Variants in LOC128125817 observed in about 807,000 individuals in gnomAD.
the LOC128125817 span, among the ~76,000 whole-genome samples, chr1:41,619,323 CT>C: frequency 6.6e-6 from 1 of 152,238 alleles, no homozygotes; most frequent in Non-Finnish European, 1.5e-5. Flanking sequence ...CCCGTGCCCC[CT>C]ATTCCTTTCC....
the LOC128125817 span, among the ~76,000 whole-genome samples, chr1:41,601,045 G>A: frequency 2.6e-5 from 4 of 152,098 alleles, no homozygotes; most frequent in African/African-American, 4.8e-5. Flanking sequence ...CTTGGCACCC[G>A]TGTTGAAGAT....
the LOC128125817 span, among the ~76,000 whole-genome samples, chr1:41,627,362 A>AT: frequency 2.6e-5 from 4 of 152,210 alleles, no homozygotes; most frequent in African/African-American, 9.6e-5. Flanking sequence ...AACCACTAAG[A>AT]GTCGGGGCTG....
the LOC128125817 span, among the ~76,000 whole-genome samples, chr1:41,601,369 C>T: frequency 6.6e-6 from 1 of 152,078 alleles, no homozygotes; most frequent in Non-Finnish European, 1.5e-5. Context: ...AATATTAATT[C>T]TTCCAATCCA....
the LOC128125817 span, among the ~76,000 whole-genome samples, chr1:41,589,594 G>T: frequency 6.6e-6 from 1 of 152,242 alleles, no homozygotes. Context: ...CCAGAGGGCA[G>T]GTGGGAGATG....
At chr1:41,607,144 G>A in the LOC128125817 span, among the ~76,000 whole-genome samples, 1 of 152,104 alleles carries the variant, frequency 6.6e-6, no homozygotes, top group African/African-American at 2.4e-5. Flanking sequence ...TCAACTGAGA[G>A]GAAATTTCTT....
chr1:41,617,356 A>G, the LOC128125817 span, among the ~76,000 whole-genome samples: 1 of 152,158 alleles, frequency 6.6e-6, no homozygotes, highest in Non-Finnish European at 1.5e-5. Context: ...TCGTCCTAAT[A>G]ATGAGCCATG....
chr1:41,627,068 C>T, the LOC128125817 span, among the ~76,000 whole-genome samples: 13 of 152,314 alleles, frequency 8.5e-5, no homozygotes, highest in African/African-American at 2.9e-4. Context: ...CATCGGTCCC[C>T]GTGCTTCAGC....
the LOC128125817 span, among the ~76,000 whole-genome samples, chr1:41,592,351 A>G: frequency 6.6e-6 from 1 of 152,206 alleles, no homozygotes; most frequent in Non-Finnish European, 1.5e-5. Flanking sequence ...AATGATCTCA[A>G]GATCACTTCC....
At chr1:41,617,079 CT>C in the LOC128125817 span, among the ~76,000 whole-genome samples, 1 of 152,316 alleles carries the variant, frequency 6.6e-6, no homozygotes, top group African/African-American at 2.4e-5. Context: ...ACCGTACTGC[CT>C]TTCCAAACAG....
the LOC128125817 span, among the ~76,000 whole-genome samples, chr1:41,609,616 T>G: frequency 5.3e-5 from 8 of 152,376 alleles, no homozygotes; most frequent in East Asian, 1.3e-3. Context: ...ACACCCCTTT[T>G]TAAGACCCTT....
the LOC128125817 span, among the ~76,000 whole-genome samples, chr1:41,622,473 T>TC: frequency 6.6e-6 from 1 of 152,128 alleles, no homozygotes; most frequent in East Asian, 1.9e-4. Context: ...ATCCTGTAGG[T>TC]CAAGGGTTGG....
the LOC128125817 span, among the ~76,000 whole-genome samples, chr1:41,590,892 A>C: frequency 6.6e-6 from 1 of 152,208 alleles, no homozygotes; most frequent in South Asian, 2.1e-4. Flanking sequence ...GGCAGCCTGC[A>C]GCTGAACCCT....
At chr1:41,595,861 G>C in the LOC128125817 span, among the ~76,000 whole-genome samples, 1 of 152,092 alleles carries the variant, frequency 6.6e-6, no homozygotes, top group Non-Finnish European at 1.5e-5. Context: ...TTCAGCTTTG[G>C]GACTCAGACT....
the LOC128125817 span, among the ~76,000 whole-genome samples, chr1:41,603,534 A>G: frequency 6.6e-6 from 1 of 151,036 alleles, no homozygotes; most frequent in Non-Finnish European, 1.5e-5. Context: ...TAATTTTTGT[A>G]TTTTTAGTGG....
At chr1:41,614,769 T>C in the LOC128125817 span, among the ~76,000 whole-genome samples, 3 of 152,168 alleles carry the variant, frequency 2.0e-5, no homozygotes, top group African/African-American at 4.8e-5. Context: ...ATGGATTTAG[T>C]ATACAGCAGT....
chr1:41,591,226 C>T, the LOC128125817 span, among the ~76,000 whole-genome samples: 4 of 152,076 alleles, frequency 2.6e-5, no homozygotes, highest in South Asian at 2.1e-4. Flanking sequence ...TGTAAAGTCC[C>T]GGGCACACAG....
the LOC128125817 span, among the ~76,000 whole-genome samples, chr1:41,604,291 T>C: frequency 6.6e-6 from 1 of 152,028 alleles, no homozygotes; most frequent in African/African-American, 2.4e-5. Context: ...CAGCAACAAA[T>C]AGAATGGATA....
the LOC128125817 span, among the ~76,000 whole-genome samples, chr1:41,602,153 T>C: frequency 6.6e-6 from 1 of 152,194 alleles, no homozygotes; most frequent in South Asian, 2.1e-4. Context: ...GCTAGTATTT[T>C]GTTGAGGATT....
chr1:41,621,656 A>G, the LOC128125817 span, among the ~76,000 whole-genome samples: 10 of 152,206 alleles, frequency 6.6e-5, no homozygotes, highest in Admixed American at 5.9e-4. Context: ...GGACTACAGG[A>G]GTATGACCAC....
Sources: gnomAD v4.1 joint callset for allele counts (sites outside exome capture counted in the v4.1 genomes callset) on GRCh38, gnomAD v4.1.1 for gene constraint, MANE v1.5 for transcripts.